The following EXPH5 variants were observed in gnomAD, a reference collection of about 807,000 sequenced individuals.
EXPH5 encodes exophilin 5.
In EXPH5, 42 loss-of-function variants were observed where a neutral mutation model predicts 41.1. The ratio of observed to expected loss-of-function variants is 1.02; its 90% CI spans 0.80 to 1.32. The LOEUF (loss-of-function observed/expected upper bound fraction) is 1.32, where lower values mean the gene tolerates loss of function less well. EXPH5 is among the 40% of genes most tolerant of loss of function. The probability of loss-of-function intolerance (pLI) is 0.00; values close to 1 mark genes in which losing one functional copy is unlikely to be tolerated. For missense variants in EXPH5, 2,298 were observed against 2,314.5 expected (o/e 0.99, Z 0.15); for synonymous variants, 798 against 833.5 (o/e 0.96, Z 0.73).
Position 108,593,591 on chromosome 11 carries a change from G to A in EXPH5, c.-55C>T, listed in dbSNP as rs2094133921. The A allele has an allele frequency of 6.2e-7, 1 of 1,613,030 alleles. No homozygotes were observed. The highest frequency in any genetic ancestry group is 8.5e-7 in the Non-Finnish European group (1 of 1,179,650). On this transcript the variant is annotated 5_prime_UTR_variant, in exon 1 of 6. Coordinates refer to ENST00000265843, the MANE Select transcript of EXPH5 (RefSeq NM_015065.3). ...GCTCCTTGGCGCCTCCTGTTAGGAA[G>A]GCATTTTTCAACCTGTACAAGACCA...
At chr11:108,566,631 T>C (rs546612138) in intron 1 of EXPH5, among the ~76,000 whole-genome samples, 2 of 152,128 alleles carry the variant, frequency 1.3e-5, no homozygotes, top group South Asian at 2.1e-4. Context: ...GGTGGGAGGA[T>C]TGCCTGAGTC....
chr11:108,574,868 T>C (rs1565831597), intron 1 of EXPH5, among the ~76,000 whole-genome samples: 1 of 152,252 alleles, frequency 6.6e-6, no homozygotes, highest in Non-Finnish European at 1.5e-5. Context: ...TATTTCCTTT[T>C]TCTTTCTGCC....
At chr11:108,600,520 G>T in the EXPH5 span, among the ~76,000 whole-genome samples, 1 of 152,140 alleles carries the variant, frequency 6.6e-6, no homozygotes. Context: ...ACTTAAGAAG[G>T]CAAATTTCCA....
At chr11:108,600,759 T>G in the EXPH5 span, among the ~76,000 whole-genome samples, 1 of 152,230 alleles carries the variant, frequency 6.6e-6, no homozygotes, top group African/African-American at 2.4e-5. Context: ...AAATAATACA[T>G]TAACCATACA....
At chr11:108,525,000 G>A (rs552317078) in intron 4 of EXPH5, among the ~76,000 whole-genome samples, 5 of 152,230 alleles carry the variant, frequency 3.3e-5, no homozygotes, top group East Asian at 1.9e-4. Flanking sequence ...ACTGAATCAC[G>A]GGGGCGGTTT....
rs779497653 is a variant in EXPH5, at chr11:108,528,232, T to C, written c.444-48A>G. On this transcript the variant is annotated intron_variant, in intron 3 of 5. Coordinates refer to ENST00000265843, the MANE Select transcript of EXPH5 (RefSeq NM_015065.3). ...TTTCTTTGAAGAAGAGCCTAACTTT[T>C]ACCAGGCGGAAAAATCAACAGCACA... is the stretch of plus-strand genomic sequence containing the variant. 33 of 1,363,838 alleles carry C rather than the reference T, an allele frequency of 2.4e-5. 2 individuals are homozygous for C. In the Middle Eastern group the frequency reaches 7.1e-4, roughly 29 times the overall value. 84.5% of individuals were successfully genotyped at this position (1,363,838 alleles called of 1,614,324 possible).
intron 1 of EXPH5, among the ~76,000 whole-genome samples, chr11:108,588,380 C>T (rs894208053): frequency 9.2e-5 from 14 of 152,184 alleles, no homozygotes; most frequent in African/African-American, 3.1e-4. Context: ...GTGGATAGAT[C>T]CCAGTCCTGG....
intron 1 of EXPH5, among the ~76,000 whole-genome samples, chr11:108,542,086 C>T (rs1000182867): frequency 6.6e-6 from 1 of 152,046 alleles, no homozygotes; most frequent in Non-Finnish European, 1.5e-5. Context: ...CACCATGTTG[C>T]CCAGGCTGGT....
At chr11:108,599,347 T>G in the EXPH5 span, among the ~76,000 whole-genome samples, 5 of 152,248 alleles carry the variant, frequency 3.3e-5, no homozygotes, top group Non-Finnish European at 7.3e-5. Context: ...AATATCATTC[T>G]AAAGTTCTTT....
chr11:108,541,203 C>T (rs1252842986), intron 2 of EXPH5, among the ~76,000 whole-genome samples: 1 of 152,194 alleles, frequency 6.6e-6, no homozygotes, highest in East Asian at 1.9e-4. Flanking sequence ...CCCCCGACCC[C>T]CTGCCCAGCT....
At chr11:108,552,932 A>G (rs1319885888) in intron 1 of EXPH5, among the ~76,000 whole-genome samples, 2 of 152,142 alleles carry the variant, frequency 1.3e-5, no homozygotes, top group Non-Finnish European at 2.9e-5. Flanking sequence ...GCGGTGGCTC[A>G]TGCCTGTAAT....
chr11:108,580,570 A>G (rs957096014), intron 1 of EXPH5, among the ~76,000 whole-genome samples: 5 of 152,336 alleles, frequency 3.3e-5, no homozygotes, highest in African/African-American at 1.2e-4. Flanking sequence ...TACCCAAAAG[A>G]AAGGATATCA....
chr11:108,511,073 T>C lies in EXPH5; in HGVS notation c.4434A>G (p.Gly1478=). Residue 1478 remains glycine (G), a synonymous_variant, in exon 6 of 6, where the codon GGA becomes GGG. Coordinates refer to ENST00000265843, the MANE Select transcript of EXPH5 (RefSeq NM_015065.3). ...CCCCTCTGCCTTCCCTAGGCTGTGATCCACTGGAGCCATCACCTACAGCTG... is the reference window on the plus strand; with the variant it reads ...CCCCTCTGCCTTCCCTAGGCTGTGACCCACTGGAGCCATCACCTACAGCTG... ...TSTAVGDGSS[G]SQPREGRGDI... 6.2e-7 allele frequency: 1 copy of C among 1,614,170 alleles called. No individual in the cohort carries two copies. Among genetic ancestry groups the C allele is most frequent in the Middle Eastern group, 1.6e-4 (1 of 6,062 alleles).
intron 3 of EXPH5, among the ~76,000 whole-genome samples, chr11:108,530,139 A>G (rs969811414): frequency 2.6e-5 from 4 of 152,230 alleles, no homozygotes; most frequent in Non-Finnish European, 2.9e-5. Context: ...AATGAAAACT[A>G]TGGATTTTTC....
intron 3 of EXPH5, among the ~76,000 whole-genome samples, chr11:108,537,369 G>C (rs2093886173): frequency 6.6e-6 from 1 of 152,066 alleles, no homozygotes; most frequent in Admixed American, 6.5e-5. Flanking sequence ...ATAATAACAA[G>C]ATAAATGTTA....
intron 1 of EXPH5, among the ~76,000 whole-genome samples, chr11:108,578,094 T>G (rs1307709339): frequency 6.6e-6 from 1 of 152,230 alleles, no homozygotes; most frequent in East Asian, 1.9e-4. Flanking sequence ...TTTGACGTCT[T>G]ACTCAAATAT....
At chr11:108,593,286 C>CCCGCAGCCT in intron 1 of EXPH5, 132 bp downstream of exon 1, 1 of 764,158 alleles carries the variant, frequency 1.3e-6, no homozygotes, top group Non-Finnish European at 2.2e-6. Flanking sequence ...CTCTTCCCGA[C>CCCGCAGCCT]CCGCAGCCTC....
chr11:108,544,075 G>A (rs1034197102), intron 1 of EXPH5, among the ~76,000 whole-genome samples: 5 of 152,010 alleles, frequency 3.3e-5, no homozygotes, highest in Admixed American at 1.3e-4. Flanking sequence ...TGAAAACATC[G>A]GTCTCATTTC....
intron 4 of EXPH5, among the ~76,000 whole-genome samples, chr11:108,520,730 C>A (rs1304486106): frequency 6.6e-6 from 1 of 151,996 alleles, no homozygotes; most frequent in Non-Finnish European, 1.5e-5. Context: ...CCATGCCTGG[C>A]TAATTTTTTT....
Sources: allele counts gnomAD v4.1 joint callset (sites outside exome capture counted in the v4.1 genomes callset), GRCh38; gene constraint gnomAD v4.1.1; transcripts MANE v1.5; gene names NCBI Gene and HGNC (gene_info 2026-07-23, HGNC 2026-07-21).